Variants in PDZRN3 observed in about 807,000 individuals in gnomAD.
PDZRN3 encodes the protein E3 ubiquitin-protein ligase PDZRN3.
Under a neutral mutation model 85.7 loss-of-function variants are expected in PDZRN3, and 38 were observed. The observed-to-expected ratio is 0.44, with a 90% CI of 0.34 to 0.58. The LOEUF (loss-of-function observed/expected upper bound fraction) is 0.58. Ranked by LOEUF, PDZRN3 falls within the 20% of genes least tolerant of loss-of-function variation. The probability of loss-of-function intolerance (pLI) is 0.01; values close to 1 mark genes in which losing one functional copy is unlikely to be tolerated. For synonymous variants in PDZRN3, 759 were observed against 638.0 expected (o/e 1.19, Z -2.86); for missense variants, 1,629 against 1,506.4 (o/e 1.08, Z -1.35).
At chr3:73,421,406 T>G (rs1320622896) in intron 3 of PDZRN3, among the ~76,000 whole-genome samples, 1 of 152,200 alleles carries the variant, frequency 6.6e-6, no homozygotes, top group African/African-American at 2.4e-5. Context: ...GGAGGTCCTC[T>G]GAAGTAGGAC....
At chr3:73,520,399 G>A (rs1224047494) in intron 3 of PDZRN3, among the ~76,000 whole-genome samples, 1 of 152,032 alleles carries the variant, frequency 6.6e-6, no homozygotes, top group Non-Finnish European at 1.5e-5. Flanking sequence ...AGCAACTTTG[G>A]AGGCTGAGGC....
chr3:73,499,934 C>T (rs1215281265), intron 3 of PDZRN3, among the ~76,000 whole-genome samples: 1 of 152,008 alleles, frequency 6.6e-6, no homozygotes, highest in African/African-American at 2.4e-5. Flanking sequence ...ACACAGAAAG[C>T]CTGGTGGATA....
intron 3 of PDZRN3, among the ~76,000 whole-genome samples, chr3:73,574,731 A>G (rs1702098374): frequency 6.6e-6 from 1 of 152,238 alleles, no homozygotes; most frequent in East Asian, 1.9e-4. Context: ...AGGGGGAACA[A>G]GCACTTTTAA....
At chr3:73,538,233 A>G (rs960446544) in intron 3 of PDZRN3, among the ~76,000 whole-genome samples, 4 of 152,232 alleles carry the variant, frequency 2.6e-5, no homozygotes, top group African/African-American at 9.7e-5. Flanking sequence ...CAGCCACAAA[A>G]GACATTCTCT....
chr3:73,482,477 G>A (rs1703583743), intron 3 of PDZRN3, among the ~76,000 whole-genome samples: 1 of 152,164 alleles, frequency 6.6e-6, no homozygotes, highest in African/African-American at 2.4e-5. Flanking sequence ...CATTCATCTA[G>A]GCGTCTCAGA....
chr3:73,466,054 A>G (rs1703206070), intron 3 of PDZRN3, among the ~76,000 whole-genome samples: 1 of 152,206 alleles, frequency 6.6e-6, no homozygotes, highest in Admixed American at 6.5e-5. Context: ...TTTGTCTATC[A>G]GGCTAGAAAG....
At chr3:73,608,015 T>C (rs1702628183) in intron 2 of PDZRN3, among the ~76,000 whole-genome samples, 1 of 152,228 alleles carries the variant, frequency 6.6e-6, no homozygotes, top group South Asian at 2.1e-4. Flanking sequence ...TGCTACTCTC[T>C]GGAGCCCGTT....
At chr3:73,425,976 A>G (rs1702305054) in intron 3 of PDZRN3, among the ~76,000 whole-genome samples, 1 of 152,134 alleles carries the variant, frequency 6.6e-6, no homozygotes, top group Admixed American at 6.5e-5. Context: ...GTCCTTCTTA[A>G]AAATACATTC....
chr3:73,463,804 T>C (rs982400152), intron 3 of PDZRN3, among the ~76,000 whole-genome samples: 2 of 152,178 alleles, frequency 1.3e-5, no homozygotes, highest in African/African-American at 2.4e-5. Flanking sequence ...ATAAAGAAAA[T>C]GTGGTACATA....
chr3:73,540,432 T>C (rs1269668485), intron 3 of PDZRN3, among the ~76,000 whole-genome samples: 2 of 152,192 alleles, frequency 1.3e-5, no homozygotes, highest in East Asian at 1.9e-4. Flanking sequence ...AAAATGACTG[T>C]TACGGTTTGG....
At chr3:73,519,351 T>C in intron 3 of PDZRN3, among the ~76,000 whole-genome samples, 1 of 152,072 alleles carries the variant, frequency 6.6e-6, no homozygotes, top group East Asian at 1.9e-4. Context: ...GAGGGGGAAA[T>C]GCCAGCACGA....
At chr3:73,452,839 C>CTCTCTCTG (rs1553690746) in intron 3 of PDZRN3, among the ~76,000 whole-genome samples, 1 of 140,720 alleles carries the variant, frequency 7.1e-6, no homozygotes, top group African/African-American at 2.7e-5. Flanking sequence ...GTCCATATAT[C>CTCTCTCTG]TGTGTGTGTG....
intron 3 of PDZRN3, among the ~76,000 whole-genome samples, chr3:73,483,218 G>C (rs1347101564): frequency 6.6e-6 from 1 of 152,196 alleles, no homozygotes; most frequent in African/African-American, 2.4e-5. Context: ...GAAGGGAAGA[G>C]GCTTCATTTT....
At chr3:73,532,754 G>A (rs1238986025) in intron 3 of PDZRN3, among the ~76,000 whole-genome samples, 2 of 152,188 alleles carry the variant, frequency 1.3e-5, no homozygotes, top group Non-Finnish European at 2.9e-5. Flanking sequence ...GGGAGAATAA[G>A]TGAAGAGGCA....
chr3:73,604,400 A>G (rs985069184), intron 2 of PDZRN3, among the ~76,000 whole-genome samples: 1 of 152,230 alleles, frequency 6.6e-6, no homozygotes, highest in Admixed American at 6.5e-5. Flanking sequence ...CCACAGGTGA[A>G]AAACCTGAGA....
In PDZRN3 at chr3:73,586,617, C is replaced by CG. The variant is rs568081513; in HGVS notation, c.918+15736dup. ...TGCAAACCTCACAGGGACACTTCAC[C>CG]GGGGGGGTCTCAGAGATGCTGGATT... On this transcript the variant is annotated intron_variant, in intron 3 of 9. Transcript: ENST00000263666. 1.4e-3 allele frequency among the ~76,000 whole-genome samples: 217 copies of CG among 152,154 alleles called. 1 individual carries two copies. The highest frequency in any genetic ancestry group is 0.01 in the Middle Eastern group (3 of 294).
At chr3:73,456,220 G>A (rs1369302429) in intron 3 of PDZRN3, among the ~76,000 whole-genome samples, 5 of 151,626 alleles carry the variant, frequency 3.3e-5, no homozygotes, top group African/African-American at 4.9e-5. Context: ...GTGTGTGCGC[G>A]CGTGCGCTTC....
chr3:73,399,871 A>G (rs1281808885), intron 5 of PDZRN3, among the ~76,000 whole-genome samples: 1 of 152,210 alleles, frequency 6.6e-6, no homozygotes, highest in African/African-American at 2.4e-5. Flanking sequence ...GCTAACCATC[A>G]GTGAAGTCAT....
At chr3:73,389,125 AAC>A (rs1027438320) in intron 7 of PDZRN3, among the ~76,000 whole-genome samples, 16 of 151,940 alleles carry the variant, frequency 1.1e-4, no homozygotes, top group African/African-American at 3.6e-4. Flanking sequence ...CAATGAGAAA[AAC>A]ACAGTGGATT....
Sources: gnomAD v4.1 joint callset for allele counts (sites outside exome capture counted in the v4.1 genomes callset) on GRCh38, gnomAD v4.1.1 for gene constraint, MANE v1.5 for transcripts, NCBI Gene and HGNC (gene_info 2026-07-23, HGNC 2026-07-21) for gene names.